Variants in CPE observed in about 807,000 individuals in gnomAD.
The protein encoded by CPE is carbocypeptidase E.
Under a neutral mutation model 53.5 loss-of-function variants are expected in CPE, and 17 were observed. The ratio of observed to expected loss-of-function variants is 0.32; its 90% CI spans 0.22 to 0.48. The LOEUF is 0.48. Among genes scored for constraint, CPE ranks in the 20% least tolerant of loss-of-function variants. The pLI is 0.99. For synonymous variants in CPE, 226 were observed against 228.8 expected, an observed-to-expected ratio of 0.99 and a Z score of 0.11; for missense variants, 524 against 614.7, an observed-to-expected ratio of 0.85 and a Z score of 1.56.
At chr4:165,488,848 CT>C (rs2126715172) in intron 6 of CPE, among the ~76,000 whole-genome samples, 1 of 137,940 alleles carries the variant, frequency 7.2e-6, no homozygotes, top group South Asian at 2.4e-4. Flanking sequence ...AAAGGCTGCT[CT>C]AAAAAAAAAA....
At chr4:165,416,292 T>G (rs1439323189) in intron 1 of CPE, among the ~76,000 whole-genome samples, 2 of 152,280 alleles carry the variant, frequency 1.3e-5, no homozygotes, top group East Asian at 3.9e-4. Flanking sequence ...CTGCCTACCC[T>G]TCATTCATTC....
intron 1 of CPE, among the ~76,000 whole-genome samples, chr4:165,430,149 T>C (rs17046423): frequency 0.3 from 44,854 of 152,036 alleles, 6,681 homozygotes; most frequent in Middle Eastern, 0.39. Context: ...AGAAATCATA[T>C]AGCCTAGAGG....
Position 165,482,342 on chromosome 4 carries a change from A to T in CPE, c.773A>T (p.Tyr258Phe). 1.2e-6 allele frequency: 2 copies of T among 1,611,916 alleles called. No homozygotes were observed. Among genetic ancestry groups the T allele is most frequent in the South Asian group, 1.1e-5 (1 of 91,022 alleles). The change falls in exon 4 of 9, where the codon TAT (tyrosine) becomes TTT (phenylalanine). Residue 258 changes from tyrosine (Y) to phenylalanine (F), a missense_variant. Tyr to Phe is a conservative substitution (Grantham distance 22). Transcript: ENST00000402744. ...GGAGACCTTGTGGCCAATTATCCAT[A>T]TGATGAGACGCGGAGTGGTAGGTAT... The part of the protein sequence containing the change: ...HGGDLVANYP[Y>F]DETRSGSAHE...
chr4:165,391,855 A>C (rs897369810), intron 1 of CPE, among the ~76,000 whole-genome samples: 2 of 152,064 alleles, frequency 1.3e-5, no homozygotes, highest in Non-Finnish European at 2.9e-5. Context: ...AGTGGTCTAC[A>C]GTGGAGGGCT....
In CPE at chr4:165,404,716, A is replaced by T. The variant is rs2241812; in HGVS notation, c.307+25188A>T. The T allele has an allele frequency of 8.2e-6, 7 of 852,670 alleles. 1 individual carries two copies. The highest frequency in any genetic ancestry group is 1.7e-5 in the African/African-American group (1 of 60,344). 52.8% of individuals were successfully genotyped at this position (852,670 alleles called of 1,614,324 possible). On this transcript the variant is annotated intron_variant, in intron 1 of 8. Transcript: ENST00000402744. ...ACATCATGGGTGCAAGACACCTGGT[A>T]GTATAGAAGCCAGGTCCATCCTTAA... is the stretch of plus-strand genomic sequence containing the variant.
chr4:165,488,546 C>T (rs1294975475), intron 6 of CPE, among the ~76,000 whole-genome samples: 3 of 152,132 alleles, frequency 2.0e-5, no homozygotes, highest in Non-Finnish European at 2.9e-5. Context: ...AGTTCTTTGC[C>T]AGTCTTCAAA....
intron 1 of CPE, among the ~76,000 whole-genome samples, chr4:165,460,690 G>A (rs1180462420): frequency 6.6e-6 from 1 of 152,192 alleles, no homozygotes; most frequent in African/African-American, 2.4e-5. Flanking sequence ...CAGCCACGCT[G>A]CTGCAAGGAT....
intron 1 of CPE, among the ~76,000 whole-genome samples, chr4:165,380,286 A>C (rs1353860510): frequency 6.6e-6 from 1 of 152,204 alleles, no homozygotes; most frequent in East Asian, 1.9e-4. Context: ...GGAGTATTCC[A>C]TTTTCTCTGC....
At chr4:165,479,668 G>C (rs1410958687) in intron 3 of CPE, among the ~76,000 whole-genome samples, 2 of 152,200 alleles carry the variant, frequency 1.3e-5, no homozygotes, top group African/African-American at 4.8e-5. Flanking sequence ...AATATTTATA[G>C]TGTGTAGGTC....
chr4:165,488,704 G>A (rs1221275327), intron 6 of CPE, among the ~76,000 whole-genome samples: 1 of 152,102 alleles, frequency 6.6e-6, no homozygotes, highest in Non-Finnish European at 1.5e-5. Flanking sequence ...ATGTGTATAT[G>A]TACATATAAA....
intron 1 of CPE, among the ~76,000 whole-genome samples, chr4:165,443,690 C>T (rs1359962814): frequency 6.6e-6 from 1 of 152,228 alleles, no homozygotes; most frequent in South Asian, 2.1e-4. Flanking sequence ...TTTAACTTAA[C>T]TGCCTATGTA....
chr4:165,396,128 A>G (rs1170862597), intron 1 of CPE, among the ~76,000 whole-genome samples: 1 of 152,212 alleles, frequency 6.6e-6, no homozygotes, highest in Admixed American at 6.5e-5. Context: ...TACTTTTTAG[A>G]TAACCAGATT....
At chr4:165,410,330 T>C (rs1324104575) in intron 1 of CPE, among the ~76,000 whole-genome samples, 1 of 152,044 alleles carries the variant, frequency 6.6e-6, no homozygotes, top group Non-Finnish European at 1.5e-5. Flanking sequence ...AAAAAAATCG[T>C]TGAATTACAG....
At chr4:165,462,659 G>A (rs1011269649) in intron 1 of CPE, among the ~76,000 whole-genome samples, 2 of 152,080 alleles carry the variant, frequency 1.3e-5, no homozygotes, top group African/African-American at 4.8e-5. Flanking sequence ...GAAATCAGAA[G>A]CCAAGAAAAC....
At chr4:165,456,232 T>C (rs1035781126) in intron 1 of CPE, among the ~76,000 whole-genome samples, 2 of 152,152 alleles carry the variant, frequency 1.3e-5, no homozygotes, top group African/African-American at 2.4e-5. Context: ...GTAAATTTTC[T>C]TCATTGATTT....
At chr4:165,451,551 G>T (rs1039685972) in intron 1 of CPE, among the ~76,000 whole-genome samples, 1 of 151,992 alleles carries the variant, frequency 6.6e-6, no homozygotes, top group Non-Finnish European at 1.5e-5. Flanking sequence ...GAGTGCAGTG[G>T]TGCGATCTCT....
chr4:165,427,336 T>G (rs1196597013), intron 1 of CPE, among the ~76,000 whole-genome samples: 5 of 75,592 alleles, frequency 6.6e-5, no homozygotes, highest in African/African-American at 2.4e-4. Context: ...ACCTTTTTGT[T>G]TTTTTTTCCT....
chr4:165,414,398 A>T (rs4266249), intron 1 of CPE, among the ~76,000 whole-genome samples: 8 of 152,046 alleles, frequency 5.3e-5, no homozygotes, highest in Non-Finnish European at 1.0e-4. Flanking sequence ...TTATAGAGTC[A>T]GAGTATACTT....
At chr4:165,467,253 T>C (rs539044915) in intron 2 of CPE, among the ~76,000 whole-genome samples, 16 of 152,202 alleles carry the variant, frequency 1.1e-4, no homozygotes, top group African/African-American at 3.9e-4. Context: ...AACCCAGGAG[T>C]TTGAGGTTAC....
Sources: gnomAD v4.1 joint callset for allele counts (sites outside exome capture counted in the v4.1 genomes callset) on GRCh38, gnomAD v4.1.1 for gene constraint, MANE v1.5 for transcripts, NCBI Gene and HGNC (gene_info 2026-07-23, HGNC 2026-07-21) for gene names.